Variants in CCDC148 observed in about 807,000 individuals in gnomAD.
The protein encoded by CCDC148 is coiled-coil domain-containing protein 148.
In CCDC148, 89 loss-of-function variants were observed where a neutral mutation model predicts 85.7. The observed-to-expected ratio is 1.04, with a 90% CI of 0.87 to 1.24. CCDC148 has a LOEUF of 1.24. CCDC148 is among the 50% of genes most tolerant of loss of function. The pLI, the probability that CCDC148 is intolerant of heterozygous loss-of-function variation, is 0.00. For missense variants in CCDC148, 692 were observed against 671.7 expected (o/e 1.03, Z -0.33); for synonymous variants, 230 against 213.9 (o/e 1.08, Z -0.66).
chr2:158,245,052 A>G (rs1338900004), intron 10 of CCDC148, among the ~76,000 whole-genome samples: 1 of 152,168 alleles, frequency 6.6e-6, no homozygotes, highest in Non-Finnish European at 1.5e-5. Context: ...AGAACCTACA[A>G]ATTCCCACAC....
At position 158,271,237 on chromosome 2, in the gene CCDC148, C is replaced by T. The variant is rs368489954; in HGVS notation, c.1111-20325G>A. Among the ~76,000 whole-genome samples the T allele has an allele frequency of 3.3e-5, 5 of 152,116 alleles. No individual in the cohort carries two copies. In the East Asian group the frequency reaches 9.6e-4, roughly 29 times the overall value. On this transcript the variant is annotated intron_variant, in intron 9 of 13. Transcript: ENST00000283233. ...TCTAAATCTCTCAATTACTAATTCA[C>T]CACTAAATGAATACCTTGCAATATA... is the stretch of plus-strand genomic sequence containing the variant.
chr2:158,224,630 G>A (rs187031054), intron 10 of CCDC148, among the ~76,000 whole-genome samples: 327 of 152,340 alleles, frequency 2.1e-3, no homozygotes, highest in Non-Finnish European at 3.8e-3. Context: ...CAAGCCAGAA[G>A]AGAGTAGGGG....
intron 1 of CCDC148, among the ~76,000 whole-genome samples, chr2:158,428,693 T>G (rs561448559): frequency 2.7e-5 from 4 of 150,830 alleles, no homozygotes; most frequent in East Asian, 1.9e-4. Context: ...TGGTGGGACT[T>G]TAAACTAGTT....
intron 11 of CCDC148, among the ~76,000 whole-genome samples, chr2:158,202,313 A>C (rs1040912282): frequency 6.6e-6 from 1 of 152,224 alleles, no homozygotes; most frequent in African/African-American, 2.4e-5. Context: ...CAGACCATAC[A>C]TAAGGCTCTG....
At chr2:158,300,532 C>T (rs1272438918) in intron 9 of CCDC148, among the ~76,000 whole-genome samples, 3 of 152,086 alleles carry the variant, frequency 2.0e-5, no homozygotes, top group Non-Finnish European at 4.4e-5. Flanking sequence ...GACATTTGAG[C>T]TGAATTTTGA....
chr2:158,232,160 C>T (rs1240956692), intron 10 of CCDC148, among the ~76,000 whole-genome samples: 2 of 152,082 alleles, frequency 1.3e-5, no homozygotes, highest in Non-Finnish European at 2.9e-5. Context: ...ACTCATTATC[C>T]CCTATCTCCT....
chr2:158,261,810 T>C (rs1689236221), intron 9 of CCDC148, among the ~76,000 whole-genome samples: 1 of 151,986 alleles, frequency 6.6e-6, no homozygotes, highest in African/African-American at 2.4e-5. Flanking sequence ...AAAACCACAA[T>C]GAGATACCAT....
intron 1 of CCDC148, among the ~76,000 whole-genome samples, chr2:158,363,777 C>A (rs1462640786): frequency 6.6e-6 from 1 of 152,170 alleles, no homozygotes; most frequent in Non-Finnish European, 1.5e-5. Context: ...CCTCTCTCAC[C>A]ACTCCTATTC....
chr2:158,365,366 T>C (rs930963854), intron 1 of CCDC148, among the ~76,000 whole-genome samples: 20 of 152,294 alleles, frequency 1.3e-4, no homozygotes, highest in African/African-American at 4.8e-4. Context: ...CATATGTTTA[T>C]TGTGGCACTG....
intron 7 of CCDC148, among the ~76,000 whole-genome samples, chr2:158,330,477 G>A (rs1483138265): frequency 1.3e-5 from 2 of 151,276 alleles, no homozygotes; most frequent in Admixed American, 6.6e-5. Flanking sequence ...TTCTTTTTTT[G>A]TTGTGTCTCT....
chr2:158,193,429 G>C (rs1233313063), intron 11 of CCDC148, among the ~76,000 whole-genome samples: 1 of 152,000 alleles, frequency 6.6e-6, no homozygotes, highest in East Asian at 1.9e-4. Context: ...GTCCTAGGAG[G>C]GTATGGCTTG....
Position 158,340,692 on chromosome 2 carries a change from G to C in CCDC148, c.252-12C>G, listed in dbSNP as rs1305251497. The C allele has an allele frequency of 2.1e-6, 3 of 1,423,466 alleles. No homozygotes were observed. Among genetic ancestry groups the C allele is most frequent in the Non-Finnish European group, 1.9e-6 (2 of 1,026,330 alleles). The allele number at this position is 1,423,466 out of a possible 1,614,324, so 88.2% of individuals were successfully genotyped here. A position where few individuals can be genotyped will look rare whatever the true frequency, so the allele number is the denominator to read the frequency against. ...ATTCCATTTTACATCTGAAATAGATGTGATCTCAATAAATGTTACAATCAT... is the reference window on the plus strand; with the variant it reads ...ATTCCATTTTACATCTGAAATAGATCTGATCTCAATAAATGTTACAATCAT... On this transcript the variant is annotated splice_polypyrimidine_tract_variant and intron_variant, in intron 3 of 13. Coordinates refer to ENST00000283233, the MANE Select transcript of CCDC148 (RefSeq NM_138803.4).
At chr2:158,208,520 G>A (rs941488592) in intron 11 of CCDC148, among the ~76,000 whole-genome samples, 4 of 152,128 alleles carry the variant, frequency 2.6e-5, no homozygotes, top group Admixed American at 2.0e-4. Context: ...AGGGCCTGTC[G>A]AGGAGCTGTT....
At chr2:158,172,462 T>C (rs1684362326) in intron 13 of CCDC148, among the ~76,000 whole-genome samples, 2 of 152,006 alleles carry the variant, frequency 1.3e-5, no homozygotes, top group East Asian at 1.9e-4. Flanking sequence ...TGGTTTCCCA[T>C]GTAGGGTATA....
At position 158,277,721 on chromosome 2, in the gene CCDC148, C is replaced by A. The variant is rs182928423; in HGVS notation, c.1111-26809G>T. Among the ~76,000 whole-genome samples, 683 of 152,208 alleles carry A rather than the reference C, an allele frequency of 4.5e-3. 4 individuals carry two copies. The highest frequency in any genetic ancestry group is 7.9e-3 in the Non-Finnish European group (538 of 68,002). ...ACGCCATTCTCCTGCCTCAGCCTCC[C>A]GAGTAGCTGGGACTACAGGCGCCCG... On this transcript the variant is annotated intron_variant, in intron 9 of 13. Coordinates refer to ENST00000283233, the MANE Select transcript of CCDC148 (RefSeq NM_138803.4).
In CCDC148 at chr2:158,328,707, T is replaced by C. The variant is rs1452207666; in HGVS notation, c.764+10019A>G. ...CCTCACTTTTTAATGACTGCCATTC[T>C]AACTGGTGTGAGATGGTATCTCATT... On this transcript the variant is annotated intron_variant, in intron 7 of 13. Coordinates refer to ENST00000283233, the MANE Select transcript of CCDC148 (RefSeq NM_138803.4). 3.9e-5 allele frequency among the ~76,000 whole-genome samples: 6 copies of C among 152,380 alleles called. No homozygotes were observed. The East Asian group carries it at 1.2e-3, about 29-fold the overall frequency.
chr2:158,253,161 G>A (rs992499955), intron 9 of CCDC148, among the ~76,000 whole-genome samples: 4 of 151,688 alleles, frequency 2.6e-5, no homozygotes, highest in African/African-American at 9.7e-5. Context: ...ATTGAGCTTG[G>A]TCGTAGTTCC....
At chr2:158,442,756 A>G (rs1687989514) in intron 1 of CCDC148, among the ~76,000 whole-genome samples, 1 of 152,236 alleles carries the variant, frequency 6.6e-6, no homozygotes, top group Admixed American at 6.5e-5. Flanking sequence ...TATGAGAGTC[A>G]ATAGCAATTA....
At chr2:158,421,371 A>G (rs1329386873) in intron 1 of CCDC148, among the ~76,000 whole-genome samples, 1 of 152,216 alleles carries the variant, frequency 6.6e-6, no homozygotes, top group Non-Finnish European at 1.5e-5. Flanking sequence ...CAAAGAATAG[A>G]AATTATAACA....
Sources: allele counts gnomAD v4.1 joint callset (sites outside exome capture counted in the v4.1 genomes callset), GRCh38; gene constraint gnomAD v4.1.1; transcripts MANE v1.5; gene names NCBI Gene and HGNC (gene_info 2026-07-23, HGNC 2026-07-21).